Variants in SUGCT observed in about 807,000 individuals in gnomAD.
The protein encoded by SUGCT is succinyl-CoA:glutarate-CoA transferase.
SUGCT carries 41 observed loss-of-function variants against 55.0 expected under a neutral mutation model. That is an observed-to-expected ratio of 0.74 (90% CI 0.58 to 0.97). SUGCT has a LOEUF of 0.97. Ranked by LOEUF, SUGCT falls within the 50% of genes least tolerant of loss-of-function variation. The pLI is 0.00. For synonymous variants in SUGCT, 187 were observed against 200.4 expected (o/e 0.93, Z 0.56); for missense variants, 568 against 547.8 (o/e 1.04, Z -0.37).
the SUGCT span, among the ~76,000 whole-genome samples, chr7:40,982,494 C>T: frequency 3.3e-5 from 5 of 152,110 alleles, no homozygotes; most frequent in East Asian, 9.6e-4. Context: ...GACTAGGTGA[C>T]ATAAACAATA....
chr7:40,518,110 A>C (rs1191666184), intron 12 of SUGCT, among the ~76,000 whole-genome samples: 1 of 152,094 alleles, frequency 6.6e-6, no homozygotes, highest in African/African-American at 2.4e-5. Flanking sequence ...AAATTCACTC[A>C]AGCCTACAGT....
intron 13 of SUGCT, among the ~76,000 whole-genome samples, chr7:40,840,678 C>T (rs1793231680): frequency 6.6e-6 from 1 of 151,632 alleles, no homozygotes; most frequent in Admixed American, 6.6e-5. Context: ...AAAATAAACC[C>T]AAGCAAGTAA....
chr7:40,498,951 G>T (rs112887957), intron 12 of SUGCT: 290 of 406,280 alleles, frequency 7.1e-4, no homozygotes, highest in African/African-American at 5.6e-3. Flanking sequence ...CATTTCTGAT[G>T]ATTGAAAATC....
At chr7:40,283,418 G>A (rs113223574) in intron 8 of SUGCT, among the ~76,000 whole-genome samples, 6,352 of 151,936 alleles carry the variant, frequency 0.042, 455 homozygotes, top group African/African-American at 0.14. Flanking sequence ...TGGTAGCGAC[G>A]GGGTTCCACC....
At chr7:40,156,523 T>A (rs1178180271) in intron 1 of SUGCT, among the ~76,000 whole-genome samples, 2 of 152,024 alleles carry the variant, frequency 1.3e-5, no homozygotes, top group African/African-American at 4.8e-5. Context: ...GCCCAATATA[T>A]GAGCAAATGG....
intron 9 of SUGCT, among the ~76,000 whole-genome samples, chr7:40,375,783 C>T (rs1404929422): frequency 6.6e-6 from 1 of 152,170 alleles, no homozygotes; most frequent in East Asian, 1.9e-4. Context: ...AACGTACCCT[C>T]ATAATACTGT....
the SUGCT span, among the ~76,000 whole-genome samples, chr7:40,984,395 A>C: frequency 5.3e-3 from 762 of 144,770 alleles, 7 homozygotes; most frequent in East Asian, 0.03. Flanking sequence ...TTTTATAGGC[A>C]AAAAAAAATG....
chr7:40,958,425 G>A, the SUGCT span, among the ~76,000 whole-genome samples: 1 of 151,302 alleles, frequency 6.6e-6, no homozygotes, highest in Non-Finnish European at 1.5e-5. Context: ...TTTCAACCTC[G>A]ATATCCTTTC....
chr7:40,808,630 A>T (rs1791235326), intron 13 of SUGCT, among the ~76,000 whole-genome samples: 2 of 152,220 alleles, frequency 1.3e-5, no homozygotes, highest in African/African-American at 2.4e-5. Context: ...GGTGGTAAGG[A>T]AGAACATTCC....
the SUGCT span, among the ~76,000 whole-genome samples, chr7:40,885,124 G>T: frequency 6.6e-6 from 1 of 152,172 alleles, no homozygotes; most frequent in Non-Finnish European, 1.5e-5. Context: ...AGTAGTGGTA[G>T]TTGGAATAGT....
intron 9 of SUGCT, among the ~76,000 whole-genome samples, chr7:40,388,877 CAGAA>C (rs771492049): frequency 1.6e-4 from 25 of 152,066 alleles, no homozygotes; most frequent in Admixed American, 7.2e-4. Flanking sequence ...TGTTTTTTCT[CAGAA>C]AGAGTCATCC....
chr7:40,733,929 T>G (rs1202170592), intron 12 of SUGCT, among the ~76,000 whole-genome samples: 3 of 152,216 alleles, frequency 2.0e-5, no homozygotes, highest in Non-Finnish European at 4.4e-5. Flanking sequence ...CTTAAACATA[T>G]TTGGCATGTA....
intron 9 of SUGCT, among the ~76,000 whole-genome samples, chr7:40,447,412 A>C (rs985046939): frequency 6.6e-6 from 1 of 152,170 alleles, no homozygotes; most frequent in Non-Finnish European, 1.5e-5. Flanking sequence ...CCTGAAGATA[A>C]GAGACTTTCA....
At chr7:40,426,912 C>G (rs1384456917) in intron 9 of SUGCT, among the ~76,000 whole-genome samples, 1 of 152,086 alleles carries the variant, frequency 6.6e-6, no homozygotes, top group Non-Finnish European at 1.5e-5. Context: ...CTGCTGGACT[C>G]TAGCAATCCT....
intron 13 of SUGCT, among the ~76,000 whole-genome samples, chr7:40,827,927 T>C (rs1428448081): frequency 6.6e-6 from 1 of 152,038 alleles, no homozygotes; most frequent in African/African-American, 2.4e-5. Context: ...CTGTCACAGA[T>C]GGGTATCAGA....
At chr7:40,390,946 A>T (rs1233693315) in intron 9 of SUGCT, among the ~76,000 whole-genome samples, 1 of 152,208 alleles carries the variant, frequency 6.6e-6, no homozygotes, top group East Asian at 1.9e-4. Flanking sequence ...ATGTAGACCA[A>T]TGGAACAGAA....
Position 40,459,167 on chromosome 7 carries a change from A to G in SUGCT, c.955A>G (p.Arg319Gly). The G allele has an allele frequency of 6.2e-7, 1 of 1,609,672 alleles. No homozygotes were observed. The highest frequency in any genetic ancestry group is 1.3e-5 in the African/African-American group (1 of 74,970). ...YKTNHLRVHNRKELIKILSER... is the reference protein window; with the variant it reads ...YKTNHLRVHNGKELIKILSER... The stretch of plus-strand genomic sequence containing the variant: ...AACTAACCACCTTCGGGTACACAAT[A>G]GAAAAGAGCTTATTAAAATATTATC... Residue 319 changes from arginine to glycine, a missense_variant, in exon 11 of 14, where the codon AGA (arginine) becomes GGA (glycine). Coordinates refer to ENST00000335693, the MANE Select transcript of SUGCT (RefSeq NM_001193313.2).
At chr7:40,484,847 A>C (rs1479352132) in intron 11 of SUGCT, among the ~76,000 whole-genome samples, 3 of 152,106 alleles carry the variant, frequency 2.0e-5, no homozygotes, top group African/African-American at 7.2e-5. Context: ...GTCTACTTTC[A>C]TGAACTTCAC....
intron 9 of SUGCT, among the ~76,000 whole-genome samples, chr7:40,366,266 A>G (rs941815249): frequency 2.0e-5 from 3 of 152,186 alleles, no homozygotes; most frequent in African/African-American, 7.2e-5. Flanking sequence ...AATTAATTCA[A>G]GATGGATTAA....
Sources: gnomAD v4.1 joint callset for allele counts (sites outside exome capture counted in the v4.1 genomes callset) on GRCh38, gnomAD v4.1.1 for gene constraint, MANE v1.5 for transcripts, NCBI Gene and HGNC (gene_info 2026-07-23, HGNC 2026-07-21) for gene names.